Variants in EPHX1 observed in about 807,000 individuals in gnomAD.
EPHX1 encodes epoxide hydratase.
EPHX1 carries 40 observed loss-of-function variants against 43.2 expected under a neutral mutation model. That is an observed-to-expected ratio of 0.93 (90% CI 0.72 to 1.21). The LOEUF is 1.21. Among genes scored for constraint, EPHX1 ranks in the 50% most tolerant of loss-of-function variants. The pLI is 0.00. For synonymous variants in EPHX1, 221 were observed against 226.7 expected, an observed-to-expected ratio of 0.98 and a Z score of 0.22; for missense variants, 550 against 570.4, an observed-to-expected ratio of 0.96 and a Z score of 0.36.
intron 3 of EPHX1, among the ~76,000 whole-genome samples, chr1:225,832,711 T>A (rs956989141): frequency 6.6e-6 from 1 of 152,226 alleles, no homozygotes; most frequent in African/African-American, 2.4e-5. Flanking sequence ...TTGCCAATAT[T>A]TTTTTCCTTT....
chr1:225,832,773 G>A (rs1423843944), intron 3 of EPHX1, among the ~76,000 whole-genome samples: 1 of 152,088 alleles, frequency 6.6e-6, no homozygotes, highest in Non-Finnish European at 1.5e-5. Flanking sequence ...ATCACATTGT[G>A]GTTTTGAGTT....
rs544742291 is a variant in EPHX1 at position 225,823,172 on chromosome 1, G to A, written c.-5-5553G>A. 4.7e-5 allele frequency among the ~76,000 whole-genome samples: 7 copies of A among 150,444 alleles called. No homozygotes were observed. The South Asian group carries it at 1.5e-3, about 32-fold the overall frequency. ...AGCCGAGATTTGAACGACCCAAAGAGGAAAGCAAACAAGCAGCCCCTTTAT... is the reference window on the plus strand; with the variant it reads ...AGCCGAGATTTGAACGACCCAAAGAAGAAAGCAAACAAGCAGCCCCTTTAT... On this transcript the variant is annotated intron_variant, in intron 1 of 8. Coordinates refer to ENST00000272167, the MANE Select transcript of EPHX1 (RefSeq NM_001136018.4).
intron 1 of EPHX1, among the ~76,000 whole-genome samples, chr1:225,819,176 G>A (rs1476176748): frequency 2.8e-5 from 1 of 36,250 alleles, no homozygotes; most frequent in African/African-American, 9.3e-5. Context: ...GCAGTGAGCC[G>A]AGATTGCGCC....
At chr1:225,826,184 C>T (rs1667223806) in intron 1 of EPHX1, among the ~76,000 whole-genome samples, 1 of 152,042 alleles carries the variant, frequency 6.6e-6, no homozygotes, top group African/African-American at 2.4e-5. Context: ...AGCCACAGGG[C>T]CAGGCACAGC....
Position 225,839,368 on chromosome 1 carries a change from T to G in EPHX1, c.722+22T>G, listed in dbSNP as rs201694682. ...CCAGGTGAGGTCACTGTTGGGGTGG[T>G]GTGTGTGTGTGTGTGTGTGTGTGTG... On this transcript the variant is annotated intron_variant, in intron 5 of 8. Coordinates refer to ENST00000272167, the MANE Select transcript of EPHX1 (RefSeq NM_001136018.4). 29 of 332,562 alleles carry G rather than the reference T, an allele frequency of 8.7e-5. No individual in the cohort carries two copies. Among genetic ancestry groups the G allele is most frequent in the African/African-American group, 5.8e-4 (20 of 34,206 alleles). 20.6% of individuals were successfully genotyped at this position (332,562 alleles called of 1,614,324 possible).
chr1:225,837,198 C>A (rs1167859189), intron 3 of EPHX1, among the ~76,000 whole-genome samples: 1 of 152,226 alleles, frequency 6.6e-6, no homozygotes, highest in Non-Finnish European at 1.5e-5. Flanking sequence ...AGTCTTCCCC[C>A]TTTGGCTTAT....
At chr1:225,825,649 A>G (rs1385030088) in intron 1 of EPHX1, 1 of 152,260 alleles carries the variant, frequency 6.6e-6, no homozygotes, top group Non-Finnish European at 1.5e-5. Context: ...AATGTGTCTT[A>G]CTAGCTTCTA....
chr1:225,827,328 ACTGCAGTGCAT>A (rs1667296814), intron 1 of EPHX1, among the ~76,000 whole-genome samples: 1 of 152,106 alleles, frequency 6.6e-6, no homozygotes, highest in Non-Finnish European at 1.5e-5. Context: ...CTGGGTCCTA[ACTGCAGTGCAT>A]CTAGAGACCC....
In EPHX1 at chr1:225,840,046, G is replaced by A. The variant is rs1262311811; in HGVS notation, c.931+9G>A. 1 of 1,613,704 alleles carries A rather than the reference G, an allele frequency of 6.2e-7. No homozygotes were observed. The highest frequency in any genetic ancestry group is 2.2e-5 in the East Asian group (1 of 44,886). The stretch of plus-strand genomic sequence containing the variant: ...CAAGCCTGACACCGTAGGTGAGTGT[G>A]CTCAGGGGTCCTCGCCCACTGCCGG... On this transcript the variant is annotated intron_variant, in intron 6 of 8. Coordinates refer to ENST00000272167, the MANE Select transcript of EPHX1 (RefSeq NM_001136018.4).
rs115368843 is a variant in EPHX1, at chr1:225,818,456, G to A, written c.-6+8287G>A. Among the ~76,000 whole-genome samples, 742 of 152,232 alleles carry A rather than the reference G, an allele frequency of 4.9e-3. 9 individuals carry two copies. The highest frequency in any genetic ancestry group is 0.017 in the African/African-American group (705 of 41,530). Reference sequence around the variant, plus strand: ...AGGTCAGGAGAGGCTACCCAGAGGAGGGACAGTCAGTCTGAAATCTGAAAG... The same window carrying A: ...AGGTCAGGAGAGGCTACCCAGAGGAAGGACAGTCAGTCTGAAATCTGAAAG... On this transcript the variant is annotated intron_variant, in intron 1 of 8. Coordinates refer to ENST00000272167, the MANE Select transcript of EPHX1 (RefSeq NM_001136018.4).
intron 1 of EPHX1, among the ~76,000 whole-genome samples, chr1:225,827,195 A>G (rs1463973369): frequency 2.0e-5 from 3 of 152,130 alleles, no homozygotes; most frequent in Non-Finnish European, 2.9e-5. Flanking sequence ...AATGGAGGAC[A>G]TGCAAGTGGT....
At chr1:225,842,090 C>T (rs896785415) in intron 6 of EPHX1, among the ~76,000 whole-genome samples, 2 of 152,244 alleles carry the variant, frequency 1.3e-5, no homozygotes, top group African/African-American at 2.4e-5. Flanking sequence ...AATGCAGAGG[C>T]GTAGGCCCTT....
chr1:225,812,273 A>G (rs1666518664), intron 1 of EPHX1, among the ~76,000 whole-genome samples: 1 of 152,154 alleles, frequency 6.6e-6, no homozygotes, highest in Non-Finnish European at 1.5e-5. Context: ...CACAGAAAAT[A>G]ACTACTCAGC....
At chr1:225,845,006 C>T in intron 8 of EPHX1, 140 bp from the exon 9 acceptor site, 1 of 947,500 alleles carries the variant, frequency 1.1e-6, no homozygotes, top group Non-Finnish European at 1.7e-6. Context: ...GCGGTTGAGA[C>T]CCTGGATTTG....
intron 8 of EPHX1, 128 bp from the exon 9 acceptor site, chr1:225,845,018 C>A: frequency 9.6e-7 from 1 of 1,045,786 alleles, no homozygotes; most frequent in Non-Finnish European, 1.5e-6. Context: ...CTGGATTTGT[C>A]CTTTTCTTTA....
At chr1:225,834,317 A>G (rs1219287895) in intron 3 of EPHX1, among the ~76,000 whole-genome samples, 5 of 151,576 alleles carry the variant, frequency 3.3e-5, no homozygotes, top group African/African-American at 9.7e-5. Flanking sequence ...AGGCAAAAGA[A>G]TTGCTTGAAC....
chr1:225,817,375 C>T lies in EPHX1; in HGVS notation c.-6+7206C>T, dbSNP rs1003321456. ...AGGGAGTTCACAGCAGGAACGCTCC[C>T]AGGCTCCCATCCTGCGTCCGCTTGG... On this transcript the variant is annotated intron_variant, in intron 1 of 8. Transcript: ENST00000272167. This position sits in a 1 kb window ranked among gnomAD's most constrained non-coding sequence, Gnocchi z 5.7. 4.6e-5 allele frequency among the ~76,000 whole-genome samples: 7 copies of T among 152,226 alleles called. No homozygotes were observed. The highest frequency in any genetic ancestry group is 8.8e-5 in the Non-Finnish European group (6 of 68,030).
At chr1:225,815,411 C>CTTTTTTTTTT (rs5781415) in intron 1 of EPHX1, among the ~76,000 whole-genome samples, 1 of 78,206 alleles carries the variant, frequency 1.3e-5, no homozygotes, top group Non-Finnish European at 2.4e-5. Flanking sequence ...AGCTAATTTT[C>CTTTTTTTTTT]TTTTTTTTTT....
At chr1:225,828,065 G>T (rs1158578599) in intron 1 of EPHX1, among the ~76,000 whole-genome samples, 2 of 152,204 alleles carry the variant, frequency 1.3e-5, no homozygotes, top group South Asian at 4.1e-4. Context: ...ACATGAGGCT[G>T]TCGGGCGCCG....
Sources: allele counts gnomAD v4.1 joint callset (sites outside exome capture counted in the v4.1 genomes callset), GRCh38; gene constraint gnomAD v4.1.1; non-coding constraint Gnocchi (gnomAD v3.1); transcripts MANE v1.5; gene names NCBI Gene and HGNC (gene_info 2026-07-23, HGNC 2026-07-21).